Variants in DOP1A observed in about 807,000 individuals in gnomAD.
DOP1A encodes the protein DOP1 leucine zipper like protein A.
In DOP1A, 90 loss-of-function variants were observed where a neutral mutation model predicts 267.6. The observed-to-expected ratio is 0.34, with a 90% CI of 0.28 to 0.40. DOP1A has a LOEUF of 0.40. Ranked by LOEUF, DOP1A falls within the 10% of genes least tolerant of loss-of-function variation. DOP1A has a pLI of 1.00. For missense variants in DOP1A, 2,437 were observed against 2,900.4 expected (o/e 0.84, Z 3.67); for synonymous variants, 932 against 999.1 (o/e 0.93, Z 1.27).
chr6:83,117,933 G>A (rs1775731173), intron 7 of DOP1A, among the ~76,000 whole-genome samples: 1 of 152,160 alleles, frequency 6.6e-6, no homozygotes, highest in Non-Finnish European at 1.5e-5. Flanking sequence ...ACACAAATGA[G>A]CTGGGTAAAT....
At chr6:83,169,560 T>C (rs1364230580), downstream of DOP1A, 2 of 525,272 alleles carry the variant, frequency 3.8e-6, no homozygotes, top group Non-Finnish European at 3.4e-6. Flanking sequence ...ATTCAGATTA[T>C]AAAAATAGCT....
chr6:83,170,642 C>T, downstream of DOP1A: 2 of 609,904 alleles, frequency 3.3e-6, no homozygotes, highest in Non-Finnish European at 5.6e-6. Context: ...TGCAACTTTT[C>T]TCTTTTTCTT....
rs555467341 is a variant in DOP1A, at chr6:83,155,012, C to T, written c.6451+771C>T. ...AAAGACAACAGTGGGCCACGCATTG[C>T]GCTAACCTTAATCAAATTTTAAAAG... On this transcript the variant is annotated intron_variant, in intron 33 of 38. Transcript: ENST00000349129. 1.8e-3 allele frequency among the ~76,000 whole-genome samples: 271 copies of T among 152,226 alleles called. 1 individual carries two copies. Among genetic ancestry groups the T allele is most frequent in the Non-Finnish European group, 2.5e-3 (169 of 68,024 alleles).
chr6:83,124,958 A>G lies in DOP1A; in HGVS notation c.1455+139A>G, dbSNP rs1583023378. On this transcript the variant is annotated intron_variant, in intron 13 of 38. Transcript: ENST00000349129. Reference sequence around the variant, plus strand: ...TCCTCTTTGGTAAGCTTTTTTCATAAGATCTTTCAAGTGTTTGTCCTTTGA... The same window carrying G: ...TCCTCTTTGGTAAGCTTTTTTCATAGGATCTTTCAAGTGTTTGTCCTTTGA... The G allele has an allele frequency of 2.9e-5, 25 of 863,586 alleles. No individual in the cohort carries two copies. In the East Asian group the frequency reaches 6.6e-4, roughly 23 times the overall value. 53.5% of individuals were successfully genotyped at this position (863,586 alleles called of 1,614,324 possible).
Position 83,118,983 on chromosome 6 carries a change from T to G in DOP1A, c.876T>G (p.Leu292=). ...MSLNRRLYAW[L]LGFDNNGAII... ...TGAATCGAAGACTTTATGCATGGCT[T>G]CTTGGTAGGTATTTGATGTCTGTGG... is the stretch of plus-strand genomic sequence containing the variant. Residue 292 remains leucine, a synonymous_variant, in exon 8 of 39, where the codon CTT becomes CTG. Transcript: ENST00000349129. The G allele has an allele frequency of 6.2e-7, 1 of 1,613,298 alleles. No homozygotes were observed. Among genetic ancestry groups the G allele is most frequent in the Non-Finnish European group, 8.5e-7 (1 of 1,179,392 alleles).
chr6:83,152,144 G>T (rs1781797708), intron 29 of DOP1A, 117 bp downstream of exon 29: 1 of 1,228,060 alleles, frequency 8.1e-7, no homozygotes. Context: ...TGTCTAACAA[G>T]TAACTTTTTT....
chr6:83,138,177 T>C lies in DOP1A; in HGVS notation c.4135T>C (p.Ser1379Pro), dbSNP rs1204859633. The change falls in exon 21 of 39, where the codon TCC (serine) becomes CCC (proline). Residue 1379 changes from serine (S) to proline (P), a missense_variant. By Grantham distance (74) the Ser-to-Pro change is moderately conservative. Coordinates refer to ENST00000349129, the MANE Select transcript of DOP1A (RefSeq NM_015018.4). ...CCTGTATCTCCAGTTGTATGATTCA[T>C]CCAGGACTTTGTATGCTTTCTCTGC... ...VLLYLQLYDSSRTLYAFSAIK... is the reference protein window; with the variant it reads ...VLLYLQLYDSPRTLYAFSAIK... The C allele has an allele frequency of 6.2e-7, 1 of 1,613,924 alleles. No individual in the cohort carries two copies. The highest frequency in any genetic ancestry group is 1.7e-5 in the Admixed American group (1 of 59,994).
intron 27 of DOP1A, 97 bp downstream of exon 27, chr6:83,148,960 C>G: frequency 3.0e-6 from 2 of 672,380 alleles, no homozygotes; most frequent in Non-Finnish European, 4.6e-6. Context: ...TGACAGTGAT[C>G]TCTCTACCTT....
At chr6:83,091,622 A>C (rs1770423586) in intron 1 of DOP1A, among the ~76,000 whole-genome samples, 1 of 152,216 alleles carries the variant, frequency 6.6e-6, no homozygotes, top group Non-Finnish European at 1.5e-5. Flanking sequence ...GATTATCTGA[A>C]GGATGTGTAT....
In DOP1A at chr6:83,137,197, C is replaced by T. The variant is rs574947096; in HGVS notation, c.3155C>T (p.Ser1052Leu). ...SNVSQVQLITSKGNGEKPLTM... is the reference protein window; with the variant it reads ...SNVSQVQLITLKGNGEKPLTM... ...GTGAGCCAAGTACAACTCATCACATCAAAAGGAAATGGTGAAAAGCCACTT... is the reference window on the plus strand; with the variant it reads ...GTGAGCCAAGTACAACTCATCACATTAAAAGGAAATGGTGAAAAGCCACTT... Residue 1052 changes from serine to leucine, a missense_variant, in exon 21 of 39, where the codon TCA (serine) becomes TTA (leucine). This residue lies in a region of DOP1A where 878 missense variants were observed against 992.9 expected (regional missense o/e 0.88). Transcript: ENST00000349129. The T allele has an allele frequency of 1.2e-5, 19 of 1,571,344 alleles. No homozygotes were observed. Among genetic ancestry groups the T allele is most frequent in the East Asian group, 6.8e-5 (3 of 44,386 alleles).
At chr6:83,154,945 T>G (rs1474959083) in intron 33 of DOP1A, among the ~76,000 whole-genome samples, 3 of 152,236 alleles carry the variant, frequency 2.0e-5, no homozygotes, top group Non-Finnish European at 4.4e-5. Flanking sequence ...TTCATAAGGT[T>G]GTTTTAAGGT....
At chr6:83,158,059 C>T (rs1043168551) in intron 35 of DOP1A, among the ~76,000 whole-genome samples, 27 of 151,604 alleles carry the variant, frequency 1.8e-4, no homozygotes, top group African/African-American at 6.1e-4. Flanking sequence ...AGTGCAGTGG[C>T]GAGATCTCAG....
At chr6:83,165,046 T>C (rs1419552926) in intron 38 of DOP1A, 1 of 233,730 alleles carries the variant, frequency 4.3e-6, no homozygotes, top group Admixed American at 5.0e-5. Context: ...CCCATAGTTC[T>C]CTTACATTTG....
intron 26 of DOP1A, 33 bp from the exon 27 acceptor site, chr6:83,148,726 T>C (rs887523099): frequency 1.7e-5 from 24 of 1,375,520 alleles, no homozygotes; most frequent in Non-Finnish European, 2.4e-5. Flanking sequence ...CATAGTTTAT[T>C]GTGGCTTTTG....
At chr6:83,151,365 C>T (rs984134001) in intron 27 of DOP1A, among the ~76,000 whole-genome samples, 2 of 152,100 alleles carry the variant, frequency 1.3e-5, no homozygotes, top group Admixed American at 1.3e-4. Flanking sequence ...CATCTGGGTT[C>T]CTTCCACTTT....
chr6:83,071,793 A>T (rs1785648694), intron 1 of DOP1A, among the ~76,000 whole-genome samples: 1 of 152,222 alleles, frequency 6.6e-6, no homozygotes, highest in Non-Finnish European at 1.5e-5. Flanking sequence ...AAATGTTCTG[A>T]ATGTTACTGA....
At chr6:83,147,316 C>A (rs772102492) in intron 26 of DOP1A, 25 bp downstream of exon 26, 1 of 1,275,692 alleles carries the variant, frequency 7.8e-7, no homozygotes, top group South Asian at 1.7e-5. Flanking sequence ...ATTGATCTGT[C>A]CTTACTATGT....
intron 7 of DOP1A, among the ~76,000 whole-genome samples, chr6:83,118,665 ATTAAG>A (rs1179218893): frequency 1.3e-5 from 2 of 152,186 alleles, no homozygotes; most frequent in Non-Finnish European, 1.5e-5. Context: ...AGTTAAAATA[ATTAAG>A]TTATAGTTTC....
At chr6:83,154,124 T>C (rs1782261079) in intron 32 of DOP1A, 56 bp from the exon 33 acceptor site, 2 of 1,612,024 alleles carry the variant, frequency 1.2e-6, no homozygotes, top group African/African-American at 1.3e-5. Flanking sequence ...AAAGTTAGAA[T>C]ACTGTTCTTT....
Sources: allele counts gnomAD v4.1 joint callset (sites outside exome capture counted in the v4.1 genomes callset), GRCh38; gene constraint gnomAD v4.1.1; regional missense constraint gnomAD v4.1.1; transcripts MANE v1.5; gene names NCBI Gene and HGNC (gene_info 2026-07-23, HGNC 2026-07-21).